NEURL1: variants seen among roughly 807,000 people sequenced by gnomAD.
NEURL1 encodes the protein neuralized E3 ubiquitin protein ligase 1, also known as E3 ubiquitin-protein ligase NEURL1.
Under a neutral mutation model 41.2 loss-of-function variants are expected in NEURL1, and 26 were observed. The ratio of observed to expected loss-of-function variants is 0.63; its 90% CI spans 0.46 to 0.87. NEURL1 has a LOEUF of 0.87. NEURL1 is among the 40% of genes least tolerant of loss of function. The pLI, the probability that NEURL1 is intolerant of heterozygous loss-of-function variation, is 0.00. For missense variants in NEURL1, 761 were observed against 871.1 expected (o/e 0.87, Z 1.59); for synonymous variants, 400 against 402.3 (o/e 0.99, Z 0.07).
In NEURL1 at chr10:103,508,615, T is replaced by G. The variant is rs2033999800; in HGVS notation, c.85+14143T>G. Among the ~76,000 whole-genome samples the G allele has an allele frequency of 6.6e-6, 1 of 152,080 alleles. No homozygotes were observed. The highest frequency in any genetic ancestry group is 1.5e-5 in the Non-Finnish European group (1 of 68,020). ...AGTGCCTGAGAGGGGCAGAAGGGGT[T>G]TTCCCTTTCTGAGGCTGGCGTTTGC... On this transcript the variant is annotated intron_variant, in intron 1 of 5. Coordinates refer to ENST00000369780, the MANE Select transcript of NEURL1 (RefSeq NM_004210.5). This position sits in a 1 kb window ranked among gnomAD's most constrained non-coding sequence, Gnocchi z 4.3.
chr10:103,586,255 A>T (rs1193247444), intron 4 of NEURL1, among the ~76,000 whole-genome samples: 1 of 152,182 alleles, frequency 6.6e-6, no homozygotes, highest in African/African-American at 2.4e-5. Context: ...ATCTTTTCAC[A>T]AAGTGTCTCC....
intron 1 of NEURL1, among the ~76,000 whole-genome samples, chr10:103,499,942 G>C (rs2033784253): frequency 6.6e-6 from 1 of 152,156 alleles, no homozygotes; most frequent in Non-Finnish European, 1.5e-5. Context: ...CACCATAATG[G>C]GATATTCAAG....
intron 3 of NEURL1, 63 bp downstream of exon 3, chr10:103,571,885 G>T (rs2035559137): frequency 1.4e-6 from 2 of 1,461,830 alleles, no homozygotes; most frequent in African/African-American, 1.4e-5. Context: ...GGGCACTGCA[G>T]CCTGGCACTG....
intron 4 of NEURL1, among the ~76,000 whole-genome samples, 163 bp from the exon 5 acceptor site, chr10:103,589,351 C>T (rs995987341): frequency 3.9e-5 from 6 of 152,178 alleles, no homozygotes; most frequent in East Asian, 3.9e-4. Flanking sequence ...TACTCCACGG[C>T]GGTAATATCA....
intron 1 of NEURL1, among the ~76,000 whole-genome samples, chr10:103,562,332 A>G (rs1049763127): frequency 6.6e-6 from 1 of 152,182 alleles, no homozygotes; most frequent in South Asian, 2.1e-4. Flanking sequence ...GCAGTGAGCC[A>G]AGATCACGCC....
At chr10:103,531,097 G>A (rs1269332906) in intron 1 of NEURL1, among the ~76,000 whole-genome samples, 1 of 151,832 alleles carries the variant, frequency 6.6e-6, no homozygotes, top group Non-Finnish European at 1.5e-5. Flanking sequence ...GTGTGTGCGT[G>A]TAATCCCAGC....
rs562090347 is a variant in NEURL1, at chr10:103,496,132, G to A, written c.85+1660G>A. Among the ~76,000 whole-genome samples the A allele has an allele frequency of 4.9e-4, 74 of 151,836 alleles. 1 individual carries two copies. In the East Asian group the frequency reaches 0.014, roughly 29 times the overall value. On this transcript the variant is annotated intron_variant, in intron 1 of 5. Coordinates refer to ENST00000369780, the MANE Select transcript of NEURL1 (RefSeq NM_004210.5). ...CTTGCTAAAAAAAAAAAAAAAATCAGTTTGTTGACCTTGTAATTCTACCTT... is the reference window on the plus strand; with the variant it reads ...CTTGCTAAAAAAAAAAAAAAAATCAATTTGTTGACCTTGTAATTCTACCTT...
Position 103,518,606 on chromosome 10 carries a change from G to A in NEURL1, c.85+24134G>A, listed in dbSNP as rs35336181. Among the ~76,000 whole-genome samples the A allele has an allele frequency of 8.1e-3, 1,230 of 152,302 alleles. 13 individuals carry two copies. Among genetic ancestry groups the A allele is most frequent in the African/African-American group, 0.028 (1,160 of 41,552 alleles). On this transcript the variant is annotated intron_variant, in intron 1 of 5. Coordinates refer to ENST00000369780, the MANE Select transcript of NEURL1 (RefSeq NM_004210.5). The stretch of plus-strand genomic sequence containing the variant: ...CAGATACAGGGATTATGAGTTGGGG[G>A]GTCTGGGGAACAGCACTTTGAATAG...
chr10:103,510,948 C>T (rs571722713), intron 1 of NEURL1, among the ~76,000 whole-genome samples: 54 of 152,312 alleles, frequency 3.5e-4, no homozygotes, highest in Non-Finnish European at 6.0e-4. Context: ...CACCCCCCGC[C>T]GCTGTTTCCC....
intron 1 of NEURL1, among the ~76,000 whole-genome samples, chr10:103,562,374 C>T (rs1453887412): frequency 1.3e-5 from 2 of 152,202 alleles, no homozygotes; most frequent in Non-Finnish European, 2.9e-5. Flanking sequence ...CCGAGCCAGA[C>T]TCCGTCTCAA....
At chr10:103,549,603 A>C (rs1327266265) in intron 1 of NEURL1, among the ~76,000 whole-genome samples, 1 of 152,192 alleles carries the variant, frequency 6.6e-6, no homozygotes, top group Non-Finnish European at 1.5e-5. Context: ...CATAAGCCTC[A>C]AATGCTGATG....
intron 1 of NEURL1, among the ~76,000 whole-genome samples, chr10:103,555,722 C>T (rs2035138841): frequency 6.7e-6 from 1 of 150,094 alleles, no homozygotes; most frequent in African/African-American, 2.4e-5. Context: ...CCTCTTACCT[C>T]CTTGTCCTCT....
chr10:103,532,384 A>C (rs1387280055), intron 1 of NEURL1, among the ~76,000 whole-genome samples: 2 of 152,014 alleles, frequency 1.3e-5, no homozygotes, highest in Non-Finnish European at 1.5e-5. Context: ...ATGTGTTTTC[A>C]TGATAGTGAT....
In NEURL1 at chr10:103,585,562, C is replaced by T. The variant is rs2035902769; in HGVS notation, c.1339+337C>T. ...AAAAATGAGAGGAAAAGGCCAGGTG[C>T]GGTGGCTCACGCCTGTAATCTCAGC... is the stretch of plus-strand genomic sequence containing the variant. On this transcript the variant is annotated intron_variant, in intron 4 of 5. Coordinates refer to ENST00000369780, the MANE Select transcript of NEURL1 (RefSeq NM_004210.5). Among the ~76,000 whole-genome samples the T allele has an allele frequency of 2.6e-5, 4 of 152,274 alleles. 1 individual carries two copies. The South Asian group carries it at 8.3e-4, about 32-fold the overall frequency.
chr10:103,527,646 C>G (rs1456494290), intron 1 of NEURL1, among the ~76,000 whole-genome samples: 1 of 152,052 alleles, frequency 6.6e-6, no homozygotes, highest in Admixed American at 6.6e-5. Flanking sequence ...TCTTGTGATT[C>G]CCTATCTCAT....
chr10:103,570,517 TGGTGGTAGAG>T lies in NEURL1; in HGVS notation c.86-346_86-337del, dbSNP rs1034410158. 2.7e-5 allele frequency among the ~76,000 whole-genome samples: 4 copies of T among 149,036 alleles called. No individual in the cohort carries two copies. In the Admixed American group the frequency reaches 2.7e-4, roughly 10 times the overall value. On this transcript the variant is annotated intron_variant, in intron 1 of 5. Transcript: ENST00000369780. ...CCAAGGATGGTGGAGTGCCAGTGAG[TGGTGGTAGAG>T]GGTGGTAGTAAAGGTGATGTGCTAC...
chr10:103,578,731 T>G (rs1269049493), intron 3 of NEURL1, among the ~76,000 whole-genome samples: 1 of 152,204 alleles, frequency 6.6e-6, no homozygotes, highest in African/African-American at 2.4e-5. Flanking sequence ...AAAGCATGTT[T>G]GTTTCTCCTA....
intron 3 of NEURL1, among the ~76,000 whole-genome samples, chr10:103,573,556 A>G (rs1339056380): frequency 6.6e-6 from 1 of 152,142 alleles, no homozygotes; most frequent in African/African-American, 2.4e-5. Flanking sequence ...CTGCTCTGGT[A>G]TCCTCAGGGC....
chr10:103,571,803 G>A lies in NEURL1; in HGVS notation c.630G>A (p.Thr210=), dbSNP rs1002360519. 1.0e-5 allele frequency: 16 copies of A among 1,607,220 alleles called. No individual in the cohort carries two copies. The highest frequency in any genetic ancestry group is 5.0e-5 in the Admixed American group (3 of 59,776). Residue 210 remains threonine (T), a synonymous_variant, in exon 3 of 6, where the codon ACG becomes ACA. Coordinates refer to ENST00000369780, the MANE Select transcript of NEURL1 (RefSeq NM_004210.5). ...LWALVDVYGL[T]RGVQLLDSEL... ...CCCTGGTGGACGTCTACGGCCTCAC[G>A]CGGGGCGTCCAGCTGCTTGGTGAGT...
Sources: gnomAD v4.1 joint callset for allele counts (sites outside exome capture counted in the v4.1 genomes callset) on GRCh38, gnomAD v4.1.1 for gene constraint, Gnocchi (gnomAD v3.1) non-coding constraint, MANE v1.5 for transcripts, NCBI Gene and HGNC (gene_info 2026-07-23, HGNC 2026-07-21) for gene names.